The following PPFIA3 variants were observed in gnomAD, a reference collection of about 807,000 sequenced individuals.
PPFIA3 encodes the protein liprin-alpha-3.
In PPFIA3, 26 loss-of-function variants were observed where a neutral mutation model predicts 145.8. The ratio of observed to expected loss-of-function variants is 0.18; its 90% CI spans 0.13 to 0.25. PPFIA3 has a LOEUF of 0.25. Among genes scored for constraint, PPFIA3 ranks in the 10% least tolerant of loss-of-function variants. The pLI is 1.00. For missense variants in PPFIA3, 1,008 were observed against 1,587.8 expected (o/e 0.63, Z 6.21); for synonymous variants, 645 against 661.4 (o/e 0.98, Z 0.38).
chr19:49,150,165 T>C lies in PPFIA3; in HGVS notation c.*13+14T>C, dbSNP rs765951754. On this transcript the variant is annotated intron_variant, in intron 29 of 29. Transcript: ENST00000334186. ...GCAGGCCTCCAGGTGAGGACCGTGC[T>C]GGGCGACCTTGGGGGTGCGGGGCGG... 1.9e-5 allele frequency: 30 copies of C among 1,596,476 alleles called. No individual in the cohort carries two copies. Among genetic ancestry groups the C allele is most frequent in the Non-Finnish European group, 2.5e-5 (29 of 1,171,922 alleles).
intron 18 of PPFIA3, among the ~76,000 whole-genome samples, chr19:49,140,678 G>A (rs374357394): frequency 2.5e-5 from 3 of 122,112 alleles, no homozygotes; most frequent in East Asian, 2.3e-4. Flanking sequence ...GTTTGGAGAC[G>A]GAGTCTTGCT....
rs2041323921 is a variant in PPFIA3, at chr19:49,149,767, G to A, written c.3526+49G>A. The A allele has an allele frequency of 6.4e-7, 1 of 1,555,044 alleles. No individual in the cohort carries two copies. Among genetic ancestry groups the A allele is most frequent in the Non-Finnish European group, 8.7e-7 (1 of 1,153,462 alleles). On this transcript the variant is annotated intron_variant, in intron 28 of 29. Coordinates refer to ENST00000334186, the MANE Select transcript of PPFIA3 (RefSeq NM_003660.4). The surrounding 1 kb of genome is among the most constrained non-coding windows in gnomAD (Gnocchi z 5.7). ...GCCCTTCCTCGCTTCCCTAGGGTGG[G>A]GCATGGACCACCTCAGTAGTCCGGG...
chr19:49,131,165 CTTTTTTTTTTTTT>C (rs74182040), intron 7 of PPFIA3, among the ~76,000 whole-genome samples: 1 of 102,086 alleles, frequency 9.8e-6, no homozygotes, highest in Non-Finnish European at 2.0e-5. Context: ...CACCCAGCCT[CTTTTTTTTTTTTT>C]TTTTTTTTGA....
Position 49,128,262 on chromosome 19 carries a change from GGACTT to G in PPFIA3, c.241-104_241-100del. On this transcript the variant is annotated intron_variant, in intron 2 of 29. Coordinates refer to ENST00000334186, the MANE Select transcript of PPFIA3 (RefSeq NM_003660.4). The surrounding 1 kb of genome is among the most constrained non-coding windows in gnomAD (Gnocchi z 4.1). The stretch of plus-strand genomic sequence containing the variant: ...GGGGCCTGAGTGGCAAGGGACAGCG[GGACTT>G]AGCAGGGAGGGCGGGACCTTCAAAC... 6.6e-7 allele frequency: 1 copy of G among 1,505,052 alleles called. No homozygotes were observed. The highest frequency in any genetic ancestry group is 1.7e-5 in the Admixed American group (1 of 58,348). The allele number at this position is 1,505,052 out of a possible 1,614,324, so 93.2% of individuals were successfully genotyped here. A position where few individuals can be genotyped will look rare whatever the true frequency, so the allele number is the denominator to read the frequency against.
chr19:49,134,100 C>T lies in PPFIA3; in HGVS notation c.1312C>T (p.Leu438=), dbSNP rs749635373. ...KRLSETVDKL[L]SESNERLQLH... is the part of the protein sequence containing the mutation. ...GCTGTCCGAGACGGTGGACAAGCTG[C>T]TGAGCGAGTCCAACGAGCGCTTACA... The change falls in exon 11 of 30, where the codon CTG becomes TTG. Residue 438 remains leucine, a synonymous_variant. Coordinates refer to ENST00000334186, the MANE Select transcript of PPFIA3 (RefSeq NM_003660.4). The T allele has an allele frequency of 3.7e-6, 6 of 1,613,850 alleles. No individual in the cohort carries two copies. The highest frequency in any genetic ancestry group is 1.6e-4 in the Middle Eastern group (1 of 6,080).
chr19:49,124,992 G>A (rs1432088131), intron 1 of PPFIA3, among the ~76,000 whole-genome samples: 1 of 152,106 alleles, frequency 6.6e-6, no homozygotes, highest in Admixed American at 6.6e-5. Context: ...GCTTGAACCC[G>A]GGAGGCAGAG....
chr19:49,130,687 T>G lies in PPFIA3; in HGVS notation c.879+88T>G. ...CGCATTGCTCATGAATGGCGGAACC[T>G]CGATTCAGTCCACAGGCTGGGTGAC... is the stretch of plus-strand genomic sequence containing the variant. On this transcript the variant is annotated intron_variant, in intron 7 of 29. Transcript: ENST00000334186. This position sits in a 1 kb window ranked among gnomAD's most constrained non-coding sequence, Gnocchi z 4.5. The G allele has an allele frequency of 2.7e-6, 3 of 1,131,556 alleles. No individual in the cohort carries two copies. Among genetic ancestry groups the G allele is most frequent in the South Asian group, 1.5e-5 (1 of 65,924 alleles). The allele number at this position is 1,131,556 out of a possible 1,614,324, so 70.1% of individuals were successfully genotyped here.
intron 13 of PPFIA3, 143 bp from the exon 14 acceptor site, chr19:49,135,636 C>A: frequency 2.4e-6 from 2 of 844,852 alleles, no homozygotes; most frequent in Non-Finnish European, 3.5e-6. Context: ...TCCCAAAGTG[C>A]TGGGATTGCA....
intron 18 of PPFIA3, 105 bp from the exon 19 acceptor site, chr19:49,141,315 C>CA (rs2041218627): frequency 1.3e-6 from 1 of 784,258 alleles, no homozygotes; most frequent in Non-Finnish European, 2.1e-6. Flanking sequence ...ACTCACTACT[C>CA]CCTCAGGGCC....
chr19:49,129,706 G>A (rs899937759), intron 5 of PPFIA3, among the ~76,000 whole-genome samples: 5 of 152,188 alleles, frequency 3.3e-5, no homozygotes, highest in Non-Finnish European at 7.3e-5. Context: ...GGCTCAGGCT[G>A]GGACTAAGGA....
intron 20 of PPFIA3, 42 bp downstream of exon 20, chr19:49,142,157 C>A: frequency 6.6e-7 from 1 of 1,515,976 alleles, no homozygotes; most frequent in East Asian, 2.5e-5. Context: ...GTCCCCAACC[C>A]CTCTGACAGC....
At chr19:49,134,289 A>C (rs2041111280) in intron 11 of PPFIA3, 124 bp downstream of exon 11, 1 of 1,327,344 alleles carries the variant, frequency 7.5e-7, no homozygotes, top group Admixed American at 2.5e-5. Flanking sequence ...CGGCATCCTG[A>C]GTTGGGCAGC....
intron 21 of PPFIA3, among the ~76,000 whole-genome samples, chr19:49,143,949 C>T (rs4802572): frequency 0.052 from 7,973 of 152,208 alleles, 425 homozygotes; most frequent in Admixed American, 0.15. Flanking sequence ...ATTTATGTTT[C>T]ATATGCATCT....
chr19:49,136,037 T>C, intron 14 of PPFIA3, 114 bp downstream of exon 14: 2 of 1,232,148 alleles, frequency 1.6e-6, no homozygotes, highest in Non-Finnish European at 2.1e-6. Context: ...GCAGGATCTC[T>C]TGGACTCATC....
chr19:49,125,934 T>TG (rs2040991624), intron 1 of PPFIA3, among the ~76,000 whole-genome samples: 1 of 33,954 alleles, frequency 2.9e-5, no homozygotes, highest in Admixed American at 2.2e-4. Flanking sequence ...ATTTTTTTTG[T>TG]TTTTTTTTGT....
chr19:49,139,491 A>G (rs1336529785), intron 16 of PPFIA3, among the ~76,000 whole-genome samples, 177 bp from the exon 17 acceptor site: 3 of 143,482 alleles, frequency 2.1e-5, no homozygotes, highest in Non-Finnish European at 1.6e-5. Context: ...CTCCATCTCA[A>G]AAAAAAAAAA....
chr19:49,134,828 GC>G lies in PPFIA3; in HGVS notation c.1441-3del. On this transcript the variant is annotated splice_polypyrimidine_tract_variant and splice_region_variant and intron_variant, in intron 12 of 29. Transcript: ENST00000334186. ...TTCTAACCCGACACCTCCAACACCG[GC>G]CCCCAGGAGCAGCTCTTGGCCGAAA... 2 of 1,598,268 alleles carry G rather than the reference GC, an allele frequency of 1.3e-6. No individual in the cohort carries two copies. The highest frequency in any genetic ancestry group is 1.7e-6 in the Non-Finnish European group (2 of 1,169,908).
intron 20 of PPFIA3, among the ~76,000 whole-genome samples, chr19:49,142,515 ATTTCTCTCTCTCTATTTC>A (rs1473377875): frequency 8.8e-5 from 11 of 124,948 alleles, no homozygotes; most frequent in African/African-American, 2.8e-4. Flanking sequence ...CCCACCCTCT[ATTTCTCTCTCTCTATTTC>A]TTTCTCTCTC....
rs373548645 is a variant in PPFIA3, at chr19:49,136,757, C to A, written c.1699C>A (p.Pro567Thr). 5.7e-6 allele frequency: 9 copies of A among 1,572,872 alleles called. No individual in the cohort carries two copies. The African/African-American group carries it at 1.2e-4, about 21-fold the overall frequency. Residue 567 changes from proline (P) to threonine (T), a missense_variant, in exon 15 of 30, where the codon CCA becomes ACA. Physicochemically the swap from Pro to Thr is conservative, Grantham distance 38. This residue lies in a region of PPFIA3 where 121 missense variants were observed against 138.2 expected (regional missense o/e 0.88). Transcript: ENST00000334186. The stretch of plus-strand genomic sequence containing the variant: ...GCGGTCTGCCCCTGCGGGCTCCATA[C>A]CACCCCCATTCCCTGGGGAACTGGA... ...WERSAPAGSI[P>T]PPFPGELDGS...
Sources: gnomAD v4.1 joint callset for allele counts (sites outside exome capture counted in the v4.1 genomes callset) on GRCh38, gnomAD v4.1.1 for gene constraint, gnomAD v4.1.1 regional missense constraint, Gnocchi (gnomAD v3.1) non-coding constraint, MANE v1.5 for transcripts, NCBI Gene and HGNC (gene_info 2026-07-23, HGNC 2026-07-21) for gene names.